Variants in DAB1 observed in about 807,000 individuals in gnomAD.
DAB1 encodes DAB adaptor protein 1.
Under a neutral mutation model 64.6 loss-of-function variants are expected in DAB1, and 15 were observed. That is an observed-to-expected ratio of 0.23 (90% CI 0.16 to 0.36). The LOEUF (loss-of-function observed/expected upper bound fraction) is 0.36. DAB1 is among the 10% of genes least tolerant of loss of function. DAB1 has a pLI of 1.00. For missense variants in DAB1, 596 were observed against 706.7 expected (o/e 0.84, Z 1.78); for synonymous variants, 235 against 251.9 (o/e 0.93, Z 0.64).
chr1:58,176,492 C>T (rs372601582), intron 4 of DAB1, among the ~76,000 whole-genome samples: 15 of 152,186 alleles, frequency 9.9e-5, no homozygotes, highest in South Asian at 2.1e-4. Context: ...GTGTAATGAA[C>T]GGAAATTCAT....
At chr1:57,467,460 T>G (rs1686989467) in intron 7 of DAB1, among the ~76,000 whole-genome samples, 1 of 152,174 alleles carries the variant, frequency 6.6e-6, no homozygotes, top group Non-Finnish European at 1.5e-5. Flanking sequence ...TCCCCTAAAG[T>G]CAGAATTTGT....
At chr1:57,668,529 T>G (rs1457664628) in intron 6 of DAB1, among the ~76,000 whole-genome samples, 1 of 152,130 alleles carries the variant, frequency 6.6e-6, no homozygotes, top group Non-Finnish European at 1.5e-5. Flanking sequence ...CTGAAATAAT[T>G]TTATGAATAA....
chr1:57,590,782 A>ACC (rs932086868), intron 7 of DAB1, among the ~76,000 whole-genome samples: 8 of 126,490 alleles, frequency 6.3e-5, no homozygotes, highest in Admixed American at 3.2e-4. Flanking sequence ...ACACACACAC[A>ACC]CCCCACTCAC....
intron 6 of DAB1, among the ~76,000 whole-genome samples, chr1:57,807,875 C>A (rs1246707058): frequency 6.6e-6 from 1 of 152,030 alleles, no homozygotes; most frequent in Non-Finnish European, 1.5e-5. Context: ...TTCCACTTAA[C>A]AGTCAATATA....
At chr1:57,521,172 G>A (rs1159596608) in intron 7 of DAB1, among the ~76,000 whole-genome samples, 1 of 152,128 alleles carries the variant, frequency 6.6e-6, no homozygotes, top group Non-Finnish European at 1.5e-5. Context: ...TCTCAGATCT[G>A]TATCACCTAG....
At chr1:58,250,037 C>A (rs2100402613) in intron 4 of DAB1, among the ~76,000 whole-genome samples, 1 of 152,302 alleles carries the variant, frequency 6.6e-6, no homozygotes, top group African/African-American at 2.4e-5. Context: ...GCCTCCAGTT[C>A]CCACCCAGGA....
intron 1 of DAB1, among the ~76,000 whole-genome samples, chr1:58,542,051 C>T (rs725907): frequency 0.13 from 20,507 of 152,150 alleles, 1,527 homozygotes; most frequent in African/African-American, 0.19. Flanking sequence ...TATATCAAAC[C>T]ATTTGAAAAT....
chr1:57,135,161 T>A (rs893048940), intron 4 of DAB1, among the ~76,000 whole-genome samples: 1 of 152,214 alleles, frequency 6.6e-6, no homozygotes, highest in African/African-American at 2.4e-5. Context: ...TGGCATTACA[T>A]ACATTCACAT....
chr1:57,799,872 C>T (rs973620414), intron 6 of DAB1, among the ~76,000 whole-genome samples: 2 of 152,122 alleles, frequency 1.3e-5, no homozygotes, highest in African/African-American at 2.4e-5. Flanking sequence ...GCTGCTTTTG[C>T]TTCAAGGGCA....
intron 4 of DAB1, among the ~76,000 whole-genome samples, chr1:58,215,284 T>C (rs758086158): frequency 6.6e-6 from 1 of 152,132 alleles, no homozygotes; most frequent in Non-Finnish European, 1.5e-5. Context: ...GGCTAGCTCC[T>C]TCTTGTCATT....
At chr1:58,056,281 A>G in intron 5 of DAB1, 1 of 1,352,462 alleles carries the variant, frequency 7.4e-7, no homozygotes, top group Non-Finnish European at 1.0e-6. Context: ...CTTCACATAC[A>G]GCTTGGGAAG....
intron 1 of DAB1, among the ~76,000 whole-genome samples, chr1:57,295,481 G>C (rs1673118470): frequency 6.6e-6 from 1 of 152,112 alleles, no homozygotes; most frequent in South Asian, 2.1e-4. Flanking sequence ...ACAGAAAACA[G>C]GACATTTATC....
intron 2 of DAB1, among the ~76,000 whole-genome samples, chr1:57,231,076 T>C (rs951118229): frequency 3.9e-5 from 6 of 152,208 alleles, no homozygotes; most frequent in African/African-American, 1.4e-4. Context: ...AATTGATATA[T>C]AGGCAACCTT....
chr1:57,233,918 T>C (rs187406286), intron 2 of DAB1, among the ~76,000 whole-genome samples: 1 of 152,270 alleles, frequency 6.6e-6, no homozygotes, highest in South Asian at 2.1e-4. Flanking sequence ...TTATCATGAA[T>C]GTAGGGCTTA....
In DAB1 at chr1:57,778,944, C is replaced by A. The variant is rs564687764; in HGVS notation, n.551+105055G>T. Among the ~76,000 whole-genome samples the A allele has an allele frequency of 5.3e-5, 8 of 152,006 alleles. No homozygotes were observed. In the East Asian group the frequency reaches 1.6e-3, roughly 30 times the overall value. On this transcript the variant is annotated intron_variant and non_coding_transcript_variant, in intron 6 of 20. Transcript: ENST00000485760. ...TCCTTTATTCTTTCCTTCCCTCCCT[C>A]CCTTCCTCTTTCCCTCCTTCACTCC...
chr1:57,184,598 CACGGTG>C (rs1417408263), intron 2 of DAB1, among the ~76,000 whole-genome samples: 11 of 152,180 alleles, frequency 7.2e-5, no homozygotes, highest in Admixed American at 1.3e-4. Context: ...GCTGATTCTA[CACGGTG>C]ACGACATTTC....
chr1:58,226,894 A>G (rs1050302969), intron 4 of DAB1, among the ~76,000 whole-genome samples: 2 of 152,150 alleles, frequency 1.3e-5, no homozygotes, highest in South Asian at 4.1e-4. Flanking sequence ...GTGTCCACCA[A>G]TGTCTTCCGG....
intron 5 of DAB1, among the ~76,000 whole-genome samples, chr1:57,892,085 C>T (rs1159017628): frequency 6.6e-6 from 1 of 152,190 alleles, no homozygotes; most frequent in Non-Finnish European, 1.5e-5. Flanking sequence ...TGCTGCAGCA[C>T]CCAGCACACA....
rs1034981629 is a variant in DAB1 at position 57,168,511 on chromosome 1, A to G, written c.68-23082T>C. On this transcript the variant is annotated intron_variant, in intron 2 of 14. Transcript: ENST00000371236. Reference sequence around the variant, plus strand: ...TCTTCACATCTGTGAATTTTTCTGTACCATTTCCTCTGTCAAGAACAAGAG... The same window carrying G: ...TCTTCACATCTGTGAATTTTTCTGTGCCATTTCCTCTGTCAAGAACAAGAG... Among the ~76,000 whole-genome samples the G allele has an allele frequency of 5.3e-5, 8 of 152,232 alleles. No individual in the cohort carries two copies. In the East Asian group the frequency reaches 1.4e-3, roughly 26 times the overall value.
Sources: allele counts gnomAD v4.1 joint callset (sites outside exome capture counted in the v4.1 genomes callset), GRCh38; gene constraint gnomAD v4.1.1; transcripts MANE v1.5; gene names NCBI Gene and HGNC (gene_info 2026-07-23, HGNC 2026-07-21).